The following PROS1 variants were observed in gnomAD, a reference collection of about 807,000 sequenced individuals.
PROS1 encodes protein S.
A neutral mutation model predicts 75.9 loss-of-function variants in PROS1; 29 were observed. The observed-to-expected ratio is 0.38, with a 90% CI of 0.28 to 0.52. The LOEUF (loss-of-function observed/expected upper bound fraction) is 0.52, where lower values mean the gene tolerates loss of function less well. PROS1 is among the 20% of genes least tolerant of loss of function. The pLI, the probability that PROS1 is intolerant of heterozygous loss-of-function variation, is 0.83. For missense variants in PROS1, 680 were observed against 810.3 expected, an observed-to-expected ratio of 0.84 and a Z score of 1.95; for synonymous variants, 245 against 280.6, an observed-to-expected ratio of 0.87 and a Z score of 1.27.
At chr3:93,893,892 A>G (rs993452759) in intron 9 of PROS1, among the ~76,000 whole-genome samples, 1 of 152,182 alleles carries the variant, frequency 6.6e-6, no homozygotes, top group Admixed American at 6.5e-5. Flanking sequence ...TTAAGACTCT[A>G]GACATATATG....
chr3:93,895,874 A>C (rs1708495111), intron 9 of PROS1, among the ~76,000 whole-genome samples: 1 of 152,172 alleles, frequency 6.6e-6, no homozygotes, highest in Non-Finnish European at 1.5e-5. Context: ...CTGAAGCAGG[A>C]GAATTGCTTG....
chr3:93,959,555 T>C (rs1709668721), intron 1 of PROS1, among the ~76,000 whole-genome samples: 1 of 152,168 alleles, frequency 6.6e-6, no homozygotes, highest in African/African-American at 2.4e-5. Flanking sequence ...TTATCTATCT[T>C]CTCTATCTCA....
At chr3:93,956,529 T>TACACA (rs1429914308) in intron 1 of PROS1, among the ~76,000 whole-genome samples, 12 of 129,584 alleles carry the variant, frequency 9.3e-5, no homozygotes, top group Non-Finnish European at 4.9e-5. Context: ...TCTCTCTCTC[T>TACACA]CTCTACACAC....
chr3:93,959,544 C>T (rs1709668548), intron 1 of PROS1, among the ~76,000 whole-genome samples: 1 of 152,138 alleles, frequency 6.6e-6, no homozygotes, highest in African/African-American at 2.4e-5. Context: ...AATTTGTTCA[C>T]TTATCTATCT....
At chr3:93,900,774 C>A in intron 7 of PROS1, 30 bp downstream of exon 7, 1 of 1,611,762 alleles carries the variant, frequency 6.2e-7, no homozygotes. Flanking sequence ...ACCCTCTCCA[C>A]CATCAGTAAT....
At position 93,959,646 on chromosome 3, in the gene PROS1, T is replaced by C. The variant is rs549854522; in HGVS notation, c.76+14028A>G. Among the ~76,000 whole-genome samples the C allele has an allele frequency of 1.6e-4, 24 of 152,346 alleles. No individual in the cohort carries two copies. In the East Asian group the frequency reaches 4.6e-3, roughly 29 times the overall value. On this transcript the variant is annotated intron_variant, in intron 1 of 14. Transcript: ENST00000394236. ...TGTTTAAATGCATATTCTGGATGAGTACATCCAGGGTAGGGCCAGATATAT... is the reference window on the plus strand; with the variant it reads ...TGTTTAAATGCATATTCTGGATGAGCACATCCAGGGTAGGGCCAGATATAT...
At chr3:93,893,351 A>T (rs963066848) in intron 9 of PROS1, among the ~76,000 whole-genome samples, 11 of 152,136 alleles carry the variant, frequency 7.2e-5, no homozygotes, top group African/African-American at 2.7e-4. Flanking sequence ...TATTCTTGGA[A>T]TCTTTTCCCC....
At chr3:93,967,296 G>C (rs1402637032) in intron 1 of PROS1, among the ~76,000 whole-genome samples, 3 of 152,258 alleles carry the variant, frequency 2.0e-5, no homozygotes, top group Non-Finnish European at 2.9e-5. Context: ...CATAGGTAGA[G>C]ACACTTATTG....
chr3:93,901,014 T>C, intron 6 of PROS1, 85 bp from the exon 7 acceptor site: 1 of 1,461,960 alleles, frequency 6.8e-7, no homozygotes, highest in South Asian at 1.2e-5. Context: ...GTTTCCTGGA[T>C]CTTGTTTAAT....
intron 3 of PROS1, among the ~76,000 whole-genome samples, chr3:93,913,243 T>C (rs995196374): frequency 1.3e-5 from 2 of 152,168 alleles, no homozygotes; most frequent in Non-Finnish European, 2.9e-5. Flanking sequence ...TGATATAGTT[T>C]GGCTGTGTCC....
At chr3:93,965,339 G>A (rs1709771625) in intron 1 of PROS1, among the ~76,000 whole-genome samples, 1 of 152,186 alleles carries the variant, frequency 6.6e-6, no homozygotes, top group African/African-American at 2.4e-5. Flanking sequence ...ATCCGGAAGG[G>A]TGTCCGCTGT....
At chr3:93,945,179 A>G (rs1709364262) in intron 1 of PROS1, among the ~76,000 whole-genome samples, 1 of 152,222 alleles carries the variant, frequency 6.6e-6, no homozygotes, top group Non-Finnish European at 1.5e-5. Flanking sequence ...CTACCAATAA[A>G]AAAAAGTCCA....
At position 93,896,577 on chromosome 3, in the gene PROS1, T is replaced by G; in HGVS notation, c.964A>C (p.Arg322=). The G allele has an allele frequency of 6.3e-7, 1 of 1,599,524 alleles. No homozygotes were observed. Among genetic ancestry groups the G allele is most frequent in the Non-Finnish European group, 8.6e-7 (1 of 1,166,892 alleles). Reference sequence around the variant, plus strand: ...TTATCATTGGTATTGGTTCCTCACCTGCTGATTTCTGGCAAACGAAATTTT... The same window carrying G: ...TTATCATTGGTATTGGTTCCTCACCGGCTGATTTCTGGCAAACGAAATTTT... ...YLKFRLPEIS[R]FSAEFDFRTY... Residue 322 remains arginine, a splice_region_variant and synonymous_variant, in exon 9 of 15, where the codon AGA becomes CGA. Coordinates refer to ENST00000394236, the MANE Select transcript of PROS1 (RefSeq NM_000313.4).
chr3:93,922,876 T>C (rs1343656916), intron 3 of PROS1, among the ~76,000 whole-genome samples: 1 of 152,210 alleles, frequency 6.6e-6, no homozygotes, highest in Non-Finnish European at 1.5e-5. Flanking sequence ...ATAAAAAGTA[T>C]ATTTTTGTTT....
intron 3 of PROS1, among the ~76,000 whole-genome samples, chr3:93,914,281 C>T (rs1391918462): frequency 6.6e-6 from 1 of 152,234 alleles, no homozygotes; most frequent in Non-Finnish European, 1.5e-5. Flanking sequence ...GCCTGGACAC[C>T]CCCAGGCTGC....
At chr3:93,928,355 G>A (rs549415518) in intron 1 of PROS1, among the ~76,000 whole-genome samples, 1 of 151,116 alleles carries the variant, frequency 6.6e-6, no homozygotes, top group East Asian at 2.0e-4. Flanking sequence ...GAAAAAACAT[G>A]ATGAAATGCC....
At chr3:93,902,581 C>T (rs537334141) in intron 6 of PROS1, among the ~76,000 whole-genome samples, 12 of 151,940 alleles carry the variant, frequency 7.9e-5, no homozygotes, top group African/African-American at 2.4e-4. Flanking sequence ...GGCAAAACCC[C>T]GTCTTTACCA....
rs192278662 is a variant in PROS1 at position 93,890,182 on chromosome 3, G to T, written c.1155+2751C>A. 2.8e-3 allele frequency among the ~76,000 whole-genome samples: 431 copies of T among 152,104 alleles called. 4 individuals carry two copies. Among genetic ancestry groups the T allele is most frequent in the African/African-American group, 9.6e-3 (399 of 41,472 alleles). ...GCAGTACCCTCAGGCTTATTAGGGT[G>T]GGGAAAAAACCCCACCCTGGTAAAT... is the stretch of plus-strand genomic sequence containing the variant. On this transcript the variant is annotated intron_variant, in intron 10 of 14. Transcript: ENST00000394236.
chr3:93,898,134 G>T (rs965017888), intron 8 of PROS1, among the ~76,000 whole-genome samples: 1 of 151,822 alleles, frequency 6.6e-6, no homozygotes, highest in Non-Finnish European at 1.5e-5. Flanking sequence ...TCACAATGAG[G>T]GCTATTAAAC....
Sources: allele counts gnomAD v4.1 joint callset (sites outside exome capture counted in the v4.1 genomes callset), GRCh38; gene constraint gnomAD v4.1.1; transcripts MANE v1.5; gene names NCBI Gene and HGNC (gene_info 2026-07-23, HGNC 2026-07-21).